GABRB3: variants seen among roughly 807,000 people sequenced by gnomAD.
GABRB3 encodes the protein gamma-aminobutyric acid type A receptor subunit beta3, also known as gamma-aminobutyric acid receptor subunit beta-3.
A neutral mutation model predicts 52.1 loss-of-function variants in GABRB3; 14 were observed. That is an observed-to-expected ratio of 0.27 (90% CI 0.18 to 0.42). The LOEUF is 0.42. GABRB3 is among the 10% of genes least tolerant of loss of function. The probability of loss-of-function intolerance (pLI) is 1.00; values close to 1 mark genes in which losing one functional copy is unlikely to be tolerated. For missense variants in GABRB3, 307 were observed against 609.1 expected, an observed-to-expected ratio of 0.50 and a Z score of 5.22; for synonymous variants, 260 against 232.3, an observed-to-expected ratio of 1.12 and a Z score of -1.08.
At chr15:26,673,501 T>G (rs1331372470) in intron 3 of GABRB3, among the ~76,000 whole-genome samples, 1 of 152,014 alleles carries the variant, frequency 6.6e-6, no homozygotes, top group Non-Finnish European at 1.5e-5. Context: ...GTACTTGGAG[T>G]ATAGTAAGAT....
At position 26,545,694 on chromosome 15, in the gene GABRB3, C is replaced by T. The variant is rs1889207872; in HGVS notation, c.*2099G>A. 4 of 152,390 alleles carry T rather than the reference C, an allele frequency of 2.6e-5. No homozygotes were observed. Among genetic ancestry groups the T allele is most frequent in the Admixed American group, 2.6e-4 (4 of 15,274 alleles). 9.4% of individuals were successfully genotyped at this position (152,390 alleles called of 1,614,324 possible). ...TAACATGATAATAATGATAAGGCCA[C>T]TTAACAAGGTTTTTCCCAATCTGTT... is the stretch of plus-strand genomic sequence containing the variant. On this transcript the variant is annotated 3_prime_UTR_variant, in exon 9 of 9. Transcript: ENST00000311550.
chr15:26,735,047 C>CA (rs1354429325), intron 3 of GABRB3, among the ~76,000 whole-genome samples: 3 of 152,130 alleles, frequency 2.0e-5, no homozygotes, highest in Non-Finnish European at 4.4e-5. Context: ...AACTCAACAA[C>CA]AAAAAACAAC....
At chr15:26,747,126 A>C (rs955905514) in intron 3 of GABRB3, among the ~76,000 whole-genome samples, 1 of 152,198 alleles carries the variant, frequency 6.6e-6, no homozygotes, top group South Asian at 2.1e-4. Context: ...ATGTTCCCCC[A>C]CAGTGTCCTC....
chr15:26,559,900 C>T (rs1291251644), intron 8 of GABRB3, among the ~76,000 whole-genome samples: 1 of 152,222 alleles, frequency 6.6e-6, no homozygotes, highest in East Asian at 1.9e-4. Flanking sequence ...AAGAGCACTG[C>T]TCCTGCCTTG....
At chr15:26,670,088 C>G (rs965788861) in intron 3 of GABRB3, among the ~76,000 whole-genome samples, 1 of 152,206 alleles carries the variant, frequency 6.6e-6, no homozygotes, top group Non-Finnish European at 1.5e-5. Context: ...TCGAGCGCCC[C>G]GGAGCCTCAC....
At chr15:26,618,995 A>G (rs922411411) in intron 4 of GABRB3, among the ~76,000 whole-genome samples, 2 of 143,216 alleles carry the variant, frequency 1.4e-5, no homozygotes, top group Non-Finnish European at 3.1e-5. Flanking sequence ...TTAGAATGGC[A>G]ATCATTCAAA....
intron 8 of GABRB3, among the ~76,000 whole-genome samples, chr15:26,552,542 G>A (rs148843482): frequency 0.023 from 3,494 of 152,280 alleles, 70 homozygotes; most frequent in Non-Finnish European, 0.036. Flanking sequence ...AGGCCACCTA[G>A]GGCTAGCTGT....
In GABRB3 at chr15:26,647,049, T is replaced by C. The variant is rs146851179; in HGVS notation, c.241-25515A>G. On this transcript the variant is annotated intron_variant, in intron 3 of 8. Coordinates refer to ENST00000311550, the MANE Select transcript of GABRB3 (RefSeq NM_000814.6). ...TAGTATAGACGGGGTTTCACCTTGT[T>C]AGCCAGGATGGTCTCGATCTCTTGA... 6.5e-3 allele frequency among the ~76,000 whole-genome samples: 994 copies of C among 152,260 alleles called. 10 individuals carry two copies. The highest frequency in any genetic ancestry group is 0.023 in the African/African-American group (950 of 41,552).
chr15:26,581,949 A>ATAGAGT (rs3974413), intron 5 of GABRB3, among the ~76,000 whole-genome samples: 146,861 of 152,122 alleles, frequency 0.97, 70,993 homozygotes, highest in East Asian at 1. Context: ...CCGTGCCTAC[A>ATAGAGT]TAATGTCCAG....
chr15:26,574,825 ACT>A lies in GABRB3; in HGVS notation c.682+5492_682+5493del, dbSNP rs536278818. Reference sequence around the variant, plus strand: ...AATTGATTTTGGTCATGGTTGGACAACTCTGCAAATATACTAAACACCACTGA... The same window carrying A: ...AATTGATTTTGGTCATGGTTGGACAACTGCAAATATACTAAACACCACTGA... On this transcript the variant is annotated intron_variant, in intron 6 of 8. Transcript: ENST00000311550. Among the ~76,000 whole-genome samples, 1,352 of 152,276 alleles carry A rather than the reference ACT, an allele frequency of 8.9e-3. 12 individuals carry two copies. Among genetic ancestry groups the A allele is most frequent in the South Asian group, 0.021 (103 of 4,826 alleles).
intron 3 of GABRB3, chr15:26,716,833 C>T (rs1889487427): frequency 4.4e-6 from 5 of 1,139,342 alleles, no homozygotes; most frequent in Admixed American, 7.6e-5. Flanking sequence ...GCTCTGAGGA[C>T]CTCCACCCAA....
intron 3 of GABRB3, among the ~76,000 whole-genome samples, chr15:26,647,842 G>A (rs1887058181): frequency 6.6e-6 from 1 of 152,170 alleles, no homozygotes; most frequent in African/African-American, 2.4e-5. Context: ...GGATCCAGGG[G>A]CACAGCTGCC....
At chr15:26,697,085 T>C (rs1027192040) in intron 3 of GABRB3, among the ~76,000 whole-genome samples, 1 of 152,226 alleles carries the variant, frequency 6.6e-6, no homozygotes, top group African/African-American at 2.4e-5. Context: ...AAGTCTCTTC[T>C]GGCTACTTCC....
chr15:26,632,694 A>G (rs1373861854), intron 3 of GABRB3, among the ~76,000 whole-genome samples: 1 of 152,140 alleles, frequency 6.6e-6, no homozygotes, highest in Non-Finnish European at 1.5e-5. Flanking sequence ...AGTGTGCTGG[A>G]GCAAAATGTG....
At chr15:26,548,239 G>T (rs780975561) in intron 8 of GABRB3, 105 bp from the exon 9 acceptor site, 1 of 913,976 alleles carries the variant, frequency 1.1e-6, no homozygotes, top group African/African-American at 1.6e-5. Flanking sequence ...CATGTTTTAC[G>T]AGAAACTGTA....
chr15:26,557,869 A>C (rs1889814929), intron 8 of GABRB3: 1 of 152,196 alleles, frequency 6.6e-6, no homozygotes, highest in Non-Finnish European at 1.5e-5. Context: ...ACATCCTGCT[A>C]ATTTTCTCTA....
intron 3 of GABRB3, among the ~76,000 whole-genome samples, chr15:26,675,133 G>A (rs371454528): frequency 1.3e-5 from 2 of 152,150 alleles, no homozygotes; most frequent in East Asian, 3.9e-4. Flanking sequence ...TTACACTCGA[G>A]AGCTCTGGGT....
At chr15:26,646,244 C>T (rs1893344708) in intron 3 of GABRB3, among the ~76,000 whole-genome samples, 1 of 152,160 alleles carries the variant, frequency 6.6e-6, no homozygotes, top group South Asian at 2.1e-4. Context: ...CCCCAAGCAA[C>T]CCCTAAGCCA....
intron 4 of GABRB3, among the ~76,000 whole-genome samples, chr15:26,593,345 T>C (rs1178890568): frequency 6.6e-6 from 1 of 152,252 alleles, no homozygotes; most frequent in Non-Finnish European, 1.5e-5. Flanking sequence ...TGTACCATTT[T>C]AGTGATTTTT....
Sources: allele counts gnomAD v4.1 joint callset (sites outside exome capture counted in the v4.1 genomes callset), GRCh38; gene constraint gnomAD v4.1.1; transcripts MANE v1.5; gene names NCBI Gene and HGNC (gene_info 2026-07-23, HGNC 2026-07-21).